Variants in PTK2 observed in about 807,000 individuals in gnomAD.
PTK2 encodes focal adhesion kinase 1.
PTK2 carries 45 observed loss-of-function variants against 150.1 expected under a neutral mutation model. The observed-to-expected ratio is 0.30, with a 90% CI of 0.24 to 0.38. The LOEUF is 0.38. Ranked by LOEUF, PTK2 falls within the 10% of genes least tolerant of loss-of-function variation. PTK2 has a pLI of 1.00. For synonymous variants in PTK2, 432 were observed against 449.2 expected (o/e 0.96, Z 0.48); for missense variants, 919 against 1,307.3 (o/e 0.70, Z 4.58).
At chr8:140,711,474 G>A (rs1187941833) in intron 23 of PTK2, among the ~76,000 whole-genome samples, 1 of 152,176 alleles carries the variant, frequency 6.6e-6, no homozygotes, top group Non-Finnish European at 1.5e-5. Flanking sequence ...TAAAATCCCT[G>A]TCACTTGAAC....
In PTK2 at chr8:140,941,009, A is replaced by T. The variant is rs146967376; in HGVS notation, c.-121-15260T>A. On this transcript the variant is annotated intron_variant, in intron 1 of 31. Coordinates refer to ENST00000522684, the Ensembl canonical transcript of PTK2. Reference sequence around the variant, plus strand: ...TTAATTAAAAAAAAATAAATTCAACATGTGTAATACAACAATCACACACAT... The same window carrying T: ...TTAATTAAAAAAAAATAAATTCAACTTGTGTAATACAACAATCACACACAT... 2.4e-3 allele frequency among the ~76,000 whole-genome samples: 370 copies of T among 152,278 alleles called. 2 individuals carry two copies. Among genetic ancestry groups the T allele is most frequent in the Non-Finnish European group, 3.4e-3 (228 of 68,008 alleles).
intron 27 of PTK2, among the ~76,000 whole-genome samples, chr8:140,676,765 T>TAAAAAAAAAAAAAAAAAAA (rs869199304): frequency 1.8e-5 from 1 of 55,572 alleles, no homozygotes; most frequent in African/African-American, 8.5e-5. Context: ...GTCTCTACTT[T>TAAAAAAAAAAAAAAAAAAA]AAAAAAAAAA....
intron 1 of PTK2, among the ~76,000 whole-genome samples, chr8:140,937,713 C>T (rs1209919782): frequency 4.6e-5 from 7 of 152,064 alleles, no homozygotes. Context: ...CAAAATACAT[C>T]AAATACATTT....
At chr8:140,960,853 G>A (rs1388128553) in intron 1 of PTK2, among the ~76,000 whole-genome samples, 1 of 151,974 alleles carries the variant, frequency 6.6e-6, no homozygotes, top group African/African-American at 2.4e-5. Context: ...GGTGGCGCAT[G>A]CCTGTAATCC....
chr8:140,939,097 G>A (rs546112976), intron 1 of PTK2, among the ~76,000 whole-genome samples: 3 of 152,186 alleles, frequency 2.0e-5, no homozygotes, highest in African/African-American at 7.2e-5. Flanking sequence ...GAAAGGGCTG[G>A]GGGCAAACAA....
At chr8:140,884,728 T>G (rs369956271) in intron 3 of PTK2, among the ~76,000 whole-genome samples, 3 of 152,190 alleles carry the variant, frequency 2.0e-5, no homozygotes, top group East Asian at 3.8e-4. Flanking sequence ...GAATCCCAAA[T>G]CACTGTACAT....
At chr8:140,876,471 C>A (rs903025919) in intron 4 of PTK2, among the ~76,000 whole-genome samples, 1 of 152,274 alleles carries the variant, frequency 6.6e-6, no homozygotes, top group South Asian at 2.1e-4. Flanking sequence ...TTCTCTGGTA[C>A]AACAATATTT....
chr8:140,960,019 AG>A (rs1176329235), intron 1 of PTK2, among the ~76,000 whole-genome samples: 3 of 150,758 alleles, frequency 2.0e-5, no homozygotes, highest in Admixed American at 6.6e-5. Context: ...TGTCTCAAAA[AG>A]AAAAAAAAAA....
intron 1 of PTK2, among the ~76,000 whole-genome samples, chr8:140,993,771 C>T (rs758282505): frequency 5.3e-5 from 8 of 152,124 alleles, no homozygotes; most frequent in Non-Finnish European, 1.0e-4. Context: ...ACTATGTCGC[C>T]CAGGCTGGAG....
intron 27 of PTK2, among the ~76,000 whole-genome samples, chr8:140,685,629 T>C (rs975867349): frequency 2.0e-5 from 3 of 152,120 alleles, no homozygotes; most frequent in Non-Finnish European, 2.9e-5. Context: ...CCAACAAGCA[T>C]ATGAAAAAAT....
intron 14 of PTK2, among the ~76,000 whole-genome samples, chr8:140,771,839 G>C (rs1290966459): frequency 6.7e-6 from 1 of 148,690 alleles, no homozygotes; most frequent in Non-Finnish European, 1.5e-5. Context: ...GGAGTGCAAT[G>C]GCACGATCTT....
At chr8:140,664,041 T>C (rs1199362960) in intron 31 of PTK2, among the ~76,000 whole-genome samples, 1 of 152,104 alleles carries the variant, frequency 6.6e-6, no homozygotes, top group Non-Finnish European at 1.5e-5. Flanking sequence ...TGGAGTGCAA[T>C]GGCACGATCT....
In PTK2 at chr8:140,938,150, C is replaced by T. The variant is rs116839836; in HGVS notation, c.-121-12401G>A. 4.6e-3 allele frequency among the ~76,000 whole-genome samples: 697 copies of T among 152,196 alleles called. 7 individuals carry two copies. Among genetic ancestry groups the T allele is most frequent in the African/African-American group, 0.016 (662 of 41,528 alleles). On this transcript the variant is annotated intron_variant, in intron 1 of 31. Transcript: ENST00000522684. ...AAAGAGAGACGATGCAAATAGAAGG[C>T]GTCCATCACTAAGTCCACTAGTGTA...
chr8:140,681,901 C>T (rs1211627505), intron 27 of PTK2, among the ~76,000 whole-genome samples: 2 of 152,182 alleles, frequency 1.3e-5, no homozygotes, highest in South Asian at 2.1e-4. Flanking sequence ...GTGGAAAAAT[C>T]AGACACTGGC....
At chr8:140,811,246 C>G (rs28814610) in intron 10 of PTK2, among the ~76,000 whole-genome samples, 4,602 of 152,284 alleles carry the variant, frequency 0.03, 241 homozygotes, top group African/African-American at 0.11. Context: ...AACAAAGTTG[C>G]AGCCCAATAC....
intron 14 of PTK2, among the ~76,000 whole-genome samples, chr8:140,777,235 T>C (rs550090697): frequency 1.3e-5 from 2 of 152,312 alleles, no homozygotes; most frequent in East Asian, 1.9e-4. Flanking sequence ...GCCAGCTTCA[T>C]GGAAAGCATG....
intron 1 of PTK2, among the ~76,000 whole-genome samples, chr8:140,980,584 T>C (rs2100191050): frequency 6.6e-6 from 1 of 152,130 alleles, no homozygotes; most frequent in African/African-American, 2.4e-5. Context: ...GTCACGCCAC[T>C]GCACTTCAGC....
At chr8:140,838,588 T>C (rs552416946) in intron 7 of PTK2, among the ~76,000 whole-genome samples, 84 of 152,200 alleles carry the variant, frequency 5.5e-4, no homozygotes, top group Middle Eastern at 3.2e-3. Context: ...TCTCAGCACA[T>C]TGGGAGGCCA....
At chr8:140,958,108 TC>T (rs2100181824) in intron 1 of PTK2, among the ~76,000 whole-genome samples, 3 of 152,138 alleles carry the variant, frequency 2.0e-5, no homozygotes, top group Admixed American at 1.3e-4. Flanking sequence ...CAATATCTTC[TC>T]CCACTCTGTA....
Sources: allele counts gnomAD v4.1 joint callset (sites outside exome capture counted in the v4.1 genomes callset), GRCh38; gene constraint gnomAD v4.1.1; transcripts MANE v1.5; gene names NCBI Gene and HGNC (gene_info 2026-07-23, HGNC 2026-07-21).